SLC14A2: variants seen among roughly 807,000 people sequenced by gnomAD.
The protein encoded by SLC14A2 is urea transporter 2.
Under a neutral mutation model 104.6 loss-of-function variants are expected in SLC14A2, and 91 were observed. That is an observed-to-expected ratio of 0.87 (90% CI 0.73 to 1.04). SLC14A2 has a LOEUF of 1.04. SLC14A2 is among the 50% of genes least tolerant of loss of function. The pLI is 0.00. For synonymous variants in SLC14A2, 476 were observed against 466.4 expected (o/e 1.02, Z -0.27); for missense variants, 1,189 against 1,156.0 (o/e 1.03, Z -0.41).
chr18:45,555,074 A>G (rs1325212175), intron 2 of SLC14A2, among the ~76,000 whole-genome samples: 2 of 152,186 alleles, frequency 1.3e-5, no homozygotes, highest in Admixed American at 1.3e-4. Context: ...TGTTGACTAG[A>G]ACCAAATTGA....
At chr18:45,386,114 G>A (rs2085893476) in intron 1 of SLC14A2, among the ~76,000 whole-genome samples, 1 of 152,180 alleles carries the variant, frequency 6.6e-6, no homozygotes, top group Non-Finnish European at 1.5e-5. Flanking sequence ...AGAGAGAAGA[G>A]CATAAGCCAA....
intron 1 of SLC14A2, among the ~76,000 whole-genome samples, chr18:45,263,821 T>A (rs754007519): frequency 1.3e-5 from 2 of 152,198 alleles, no homozygotes; most frequent in Non-Finnish European, 2.9e-5. Context: ...CACTGCAATA[T>A]GTTCCAGGAT....
the SLC14A2 span, among the ~76,000 whole-genome samples, chr18:45,184,337 T>C: frequency 1.3e-5 from 2 of 152,224 alleles, no homozygotes; most frequent in East Asian, 3.8e-4. Flanking sequence ...AATGCCACTC[T>C]TTGGTGGCAA....
At chr18:45,665,998 C>T in intron 11 of SLC14A2, 139 bp from the exon 12 acceptor site, 2 of 618,474 alleles carry the variant, frequency 3.2e-6, no homozygotes, top group Non-Finnish European at 5.8e-6. Context: ...GCTGCAAGGC[C>T]CCATGATTCT....
chr18:45,566,724 T>C (rs1362021331), intron 2 of SLC14A2, among the ~76,000 whole-genome samples: 1 of 152,208 alleles, frequency 6.6e-6, no homozygotes. Context: ...TTTCAGTGTA[T>C]TAAAGGAAAA....
intron 2 of SLC14A2, among the ~76,000 whole-genome samples, chr18:45,571,389 G>A (rs1349258946): frequency 6.6e-6 from 1 of 152,228 alleles, no homozygotes; most frequent in African/African-American, 2.4e-5. Flanking sequence ...TCCAGGCTCT[G>A]CCTGGGGGCT....
At chr18:45,452,116 T>G (rs1283315070) in intron 1 of SLC14A2, among the ~76,000 whole-genome samples, 1 of 152,212 alleles carries the variant, frequency 6.6e-6, no homozygotes, top group East Asian at 1.9e-4. Flanking sequence ...GGACACGATG[T>G]GTGTGTAAGA....
intron 12 of SLC14A2, 64 bp downstream of exon 12, chr18:45,666,283 G>C: frequency 9.0e-7 from 1 of 1,106,592 alleles, no homozygotes; most frequent in East Asian, 2.4e-5. Context: ...CAGCAGATGA[G>C]GGAGCTGAGA....
chr18:45,443,728 G>T (rs1264399767), intron 1 of SLC14A2, among the ~76,000 whole-genome samples: 1 of 152,140 alleles, frequency 6.6e-6, no homozygotes, highest in Non-Finnish European at 1.5e-5. Flanking sequence ...AGGAGGGCAG[G>T]TCAGAGAAAG....
intron 2 of SLC14A2, among the ~76,000 whole-genome samples, chr18:45,578,774 T>C (rs183964677): frequency 1.1e-4 from 16 of 152,360 alleles, no homozygotes. Context: ...TCCTGTCCTT[T>C]TCTCTCACAG....
chr18:45,340,395 AAGG>A (rs1275557336), intron 1 of SLC14A2, among the ~76,000 whole-genome samples: 1 of 152,198 alleles, frequency 6.6e-6, no homozygotes, highest in African/African-American at 2.4e-5. Context: ...CCATCTGTCA[AAGG>A]AGGAGACAAA....
chr18:45,509,288 A>G (rs1568250393), intron 2 of SLC14A2, among the ~76,000 whole-genome samples: 1 of 150,956 alleles, frequency 6.6e-6, no homozygotes, highest in Admixed American at 6.6e-5. Context: ...TCTCCTCCCT[A>G]TATATATATA....
intron 1 of SLC14A2, among the ~76,000 whole-genome samples, chr18:45,438,861 C>G (rs1218529130): frequency 6.6e-6 from 1 of 152,142 alleles, no homozygotes; most frequent in East Asian, 1.9e-4. Flanking sequence ...CATTATTCCC[C>G]ATATCAGGCA....
chr18:45,219,245 C>T (rs1362918556), intron 1 of SLC14A2, among the ~76,000 whole-genome samples: 2 of 152,152 alleles, frequency 1.3e-5, no homozygotes, highest in Admixed American at 6.5e-5. Context: ...GCATAAATAA[C>T]ATGGAAAAAT....
intron 2 of SLC14A2, among the ~76,000 whole-genome samples, chr18:45,499,884 C>T (rs770851846): frequency 8.5e-5 from 13 of 152,264 alleles, no homozygotes; most frequent in Non-Finnish European, 1.2e-4. Flanking sequence ...AAGACCAGGG[C>T]GCCTGCCATT....
rs183725131 is a variant in SLC14A2 at position 45,411,055 on chromosome 18, T to C, written c.-124-72178T>C. On this transcript the variant is annotated intron_variant, in intron 1 of 20. Coordinates refer to the SLC14A2 transcript ENST00000586448. ...CACATAAAGCAAGATTATGTATTGA[T>C]TGGCAACAATGATGTGATAAGAAGC... 6.6e-5 allele frequency among the ~76,000 whole-genome samples: 10 copies of C among 152,374 alleles called. No individual in the cohort carries two copies. In the East Asian group the frequency reaches 1.7e-3, roughly 26 times the overall value.
intron 10 of SLC14A2, 62 bp from the exon 11 acceptor site, chr18:45,663,723 C>T: frequency 1.3e-6 from 2 of 1,567,842 alleles, no homozygotes; most frequent in Non-Finnish European, 1.7e-6. Flanking sequence ...CAGCTCTCTG[C>T]TTGGCTCTCT....
intron 2 of SLC14A2, among the ~76,000 whole-genome samples, chr18:45,508,420 A>C (rs544630296): frequency 1.3e-5 from 2 of 152,040 alleles, no homozygotes; most frequent in African/African-American, 4.8e-5. Context: ...TGATTTTAAA[A>C]AGGGGAGTTT....
intron 1 of SLC14A2, among the ~76,000 whole-genome samples, chr18:45,296,271 G>A (rs144414796): frequency 3.9e-4 from 60 of 152,286 alleles, no homozygotes; most frequent in African/African-American, 1.3e-3. Flanking sequence ...TCATTCCTGT[G>A]CCGGGTCCTG....
Sources: allele counts gnomAD v4.1 joint callset (sites outside exome capture counted in the v4.1 genomes callset), GRCh38; gene constraint gnomAD v4.1.1; transcripts MANE v1.5; gene names NCBI Gene and HGNC (gene_info 2026-07-23, HGNC 2026-07-21).